WDR7: variants seen among roughly 807,000 people sequenced by gnomAD.
The protein encoded by WDR7 is WD repeat-containing protein 7.
WDR7 carries 46 observed loss-of-function variants against 169.4 expected under a neutral mutation model. The observed-to-expected ratio is 0.27, with a 90% CI of 0.21 to 0.35. The LOEUF (loss-of-function observed/expected upper bound fraction) is 0.35, where lower values mean the gene tolerates loss of function less well. Ranked by LOEUF, WDR7 falls within the 10% of genes least tolerant of loss-of-function variation. The probability of loss-of-function intolerance (pLI) is 1.00; values close to 1 mark genes in which losing one functional copy is unlikely to be tolerated. For synonymous variants in WDR7, 612 were observed against 666.8 expected (o/e 0.92, Z 1.27); for missense variants, 1,534 against 1,859.3 (o/e 0.83, Z 3.22).
chr18:56,822,354 C>T (rs961018854), intron 20 of WDR7, among the ~76,000 whole-genome samples: 2 of 152,132 alleles, frequency 1.3e-5, no homozygotes, highest in African/African-American at 4.8e-5. Context: ...CTAAAGTCAA[C>T]ATCTATTTTA....
At chr18:56,840,663 A>G (rs1467661126) in intron 20 of WDR7, among the ~76,000 whole-genome samples, 1 of 151,868 alleles carries the variant, frequency 6.6e-6, no homozygotes, top group Non-Finnish European at 1.5e-5. Flanking sequence ...TCTACAAAAA[A>G]TACAAAAGAT....
At chr18:56,659,982 G>A (rs1480411748) in intron 1 of WDR7, among the ~76,000 whole-genome samples, 1 of 152,110 alleles carries the variant, frequency 6.6e-6, no homozygotes, top group African/African-American at 2.4e-5. Flanking sequence ...TTGAGAATAG[G>A]GTGGTTGTAG....
intron 2 of WDR7, among the ~76,000 whole-genome samples, chr18:56,678,895 G>C (rs138694877): frequency 1.1e-3 from 170 of 152,296 alleles, no homozygotes; most frequent in African/African-American, 4.0e-3. Context: ...GTTGTTCTCT[G>C]TTCATCCTTT....
intron 20 of WDR7, among the ~76,000 whole-genome samples, chr18:56,829,165 T>G (rs1270397092): frequency 6.7e-6 from 1 of 150,310 alleles, no homozygotes; most frequent in Non-Finnish European, 1.5e-5. Context: ...GGTGTGCACC[T>G]GTAGTCTCAG....
intron 14 of WDR7, among the ~76,000 whole-genome samples, chr18:56,756,044 A>G (rs1405303699): frequency 6.6e-6 from 1 of 152,190 alleles, no homozygotes; most frequent in African/African-American, 2.4e-5. Context: ...AGAAATAGAA[A>G]AGGGAGCATG....
chr18:56,886,408 A>G (rs2046195765), intron 21 of WDR7, among the ~76,000 whole-genome samples: 1 of 152,210 alleles, frequency 6.6e-6, no homozygotes, highest in Admixed American at 6.5e-5. Flanking sequence ...GGAAAGATAA[A>G]GTCTTTTTCA....
At chr18:56,764,903 T>A (rs1252944784) in intron 16 of WDR7, among the ~76,000 whole-genome samples, 1 of 152,196 alleles carries the variant, frequency 6.6e-6, no homozygotes, top group African/African-American at 2.4e-5. Context: ...TCCCAGTTTT[T>A]GCTTCATGTA....
chr18:56,986,586 C>G (rs1464348599), intron 26 of WDR7, among the ~76,000 whole-genome samples: 2 of 152,006 alleles, frequency 1.3e-5, no homozygotes, highest in Non-Finnish European at 2.9e-5. Flanking sequence ...TATAGTATAG[C>G]CTTAGTGGGC....
At chr18:56,874,100 T>C (rs1269012109) in intron 20 of WDR7, 1 of 152,192 alleles carries the variant, frequency 6.6e-6, no homozygotes, top group East Asian at 1.9e-4. Flanking sequence ...GTAAAATATA[T>C]AGTATGTGAA....
At chr18:56,782,494 A>G (rs1291876372) in intron 19 of WDR7, among the ~76,000 whole-genome samples, 1 of 152,116 alleles carries the variant, frequency 6.6e-6, no homozygotes, top group African/African-American at 2.4e-5. Flanking sequence ...ATTATATTGA[A>G]TTAAAATTAA....
At chr18:56,808,846 T>C (rs1307950458) in intron 19 of WDR7, among the ~76,000 whole-genome samples, 1 of 152,202 alleles carries the variant, frequency 6.6e-6, no homozygotes, top group African/African-American at 2.4e-5. Context: ...ATTTATATTT[T>C]AAAAAACTTC....
rs749141008 is a variant in WDR7 at position 56,679,416 on chromosome 18, A to G, written c.244A>G (p.Ile82Val). 12 of 1,606,934 alleles carry G rather than the reference A, an allele frequency of 7.5e-6. No homozygotes were observed. The highest frequency in any genetic ancestry group is 9.4e-6 in the Non-Finnish European group (11 of 1,174,378). Residue 82 changes from isoleucine (I) to valine (V), a missense_variant, in exon 3 of 28, where the codon ATT becomes GTT. Coordinates refer to ENST00000254442, the MANE Select transcript of WDR7 (RefSeq NM_015285.3). ...KACASSDKQY[I>V]VSASESGEMC... is the part of the protein sequence containing the mutation. ...TTGTGCTTCCAGTGACAAACAGTAT[A>G]TTGTGAGTGCATCTGAAAGTGGGTA...
At chr18:56,754,308 TATAC>T (rs1879165902) in intron 14 of WDR7, among the ~76,000 whole-genome samples, 1 of 149,898 alleles carries the variant, frequency 6.7e-6, no homozygotes, top group Non-Finnish European at 1.5e-5. Context: ...TGTGTATGTA[TATAC>T]ATATATATGT....
intron 26 of WDR7, among the ~76,000 whole-genome samples, chr18:57,016,003 C>T (rs937947140): frequency 2.0e-5 from 3 of 152,186 alleles, no homozygotes; most frequent in African/African-American, 7.2e-5. Flanking sequence ...GTCCTGTTTG[C>T]CCTCTGCCGG....
At chr18:56,973,277 T>C (rs1439839267) in intron 26 of WDR7, among the ~76,000 whole-genome samples, 2 of 152,232 alleles carry the variant, frequency 1.3e-5, no homozygotes, top group Non-Finnish European at 2.9e-5. Context: ...TATAATGGGA[T>C]GAGACAGAGA....
intron 20 of WDR7, among the ~76,000 whole-genome samples, chr18:56,864,672 C>T (rs927287635): frequency 6.6e-6 from 1 of 151,730 alleles, no homozygotes; most frequent in Non-Finnish European, 1.5e-5. Flanking sequence ...CTCTCTACTT[C>T]ATGATATCTA....
intron 12 of WDR7, among the ~76,000 whole-genome samples, chr18:56,701,854 G>A (rs1011672191): frequency 3.3e-5 from 5 of 152,140 alleles, no homozygotes; most frequent in Admixed American, 1.3e-4. Flanking sequence ...CCTTAACCTT[G>A]AGTGCAATGT....
chr18:56,769,286 C>A (rs1287774336), intron 16 of WDR7, among the ~76,000 whole-genome samples: 1 of 150,934 alleles, frequency 6.6e-6, no homozygotes. Context: ...GTGGTGCAAT[C>A]GTGGCTTACC....
chr18:56,741,128 C>T (rs1165215882), intron 14 of WDR7, among the ~76,000 whole-genome samples: 1 of 152,086 alleles, frequency 6.6e-6, no homozygotes, highest in Non-Finnish European at 1.5e-5. Flanking sequence ...GGCCCTTGAG[C>T]TATGAATGCT....
Sources: allele counts gnomAD v4.1 joint callset (sites outside exome capture counted in the v4.1 genomes callset), GRCh38; gene constraint gnomAD v4.1.1; transcripts MANE v1.5; gene names NCBI Gene and HGNC (gene_info 2026-07-23, HGNC 2026-07-21).